GLI1: variants seen among roughly 807,000 people sequenced by gnomAD.
GLI1 encodes the protein transcription activator GLI1.
Under a neutral mutation model 87.8 loss-of-function variants are expected in GLI1, and 51 were observed. That is an observed-to-expected ratio of 0.58 (90% CI 0.46 to 0.73). The LOEUF (loss-of-function observed/expected upper bound fraction) is 0.73. GLI1 is among the 30% of genes least tolerant of loss of function. GLI1 has a pLI of 0.00. For missense variants in GLI1, 1,292 were observed against 1,437.2 expected (o/e 0.90, Z 1.63); for synonymous variants, 528 against 558.2 (o/e 0.95, Z 0.76).
chr12:57,465,188 C>G lies in GLI1; in HGVS notation c.467C>G (p.Pro156Arg), dbSNP rs944167135. 1.9e-6 allele frequency: 3 copies of G among 1,614,082 alleles called. No homozygotes were observed. Among genetic ancestry groups the G allele is most frequent in the Non-Finnish European group, 2.5e-6 (3 of 1,179,962 alleles). ...TCCTTTGGGGTCCAGCCTTGTGGTC[C>G]CCATGACTCTGCCCGGGGTGGGATG... Reference protein sequence around the residue: ...SPSFGVQPCGPHDSARGGMIP... With the variant: ...SPSFGVQPCGRHDSARGGMIP... Residue 156 changes from proline to arginine, a missense_variant, in exon 5 of 12, where the codon CCC (proline) becomes CGC (arginine). Physicochemically the swap from Pro to Arg is moderately radical, Grantham distance 103. This residue lies in a region of GLI1 where 383 missense variants were observed against 368.4 expected (regional missense o/e 1.04). Coordinates refer to ENST00000228682, the MANE Select transcript of GLI1 (RefSeq NM_005269.3).
At position 57,471,944 on chromosome 12, in the gene GLI1, G is replaced by A. The variant is rs763738465; in HGVS notation, c.3204G>A (p.Arg1068=). 3 of 1,612,064 alleles carry A rather than the reference G, an allele frequency of 1.9e-6. No individual in the cohort carries two copies. The highest frequency in any genetic ancestry group is 4.5e-5 in the East Asian group (2 of 44,846). The change falls in exon 12 of 12, where the codon CGG becomes CGA. Residue 1068 remains arginine, a synonymous_variant. Coordinates refer to ENST00000228682, the MANE Select transcript of GLI1 (RefSeq NM_005269.3). The surrounding 1 kb of genome is among the most constrained non-coding windows in gnomAD (Gnocchi z 4.9). ...GTCCTCCTCCTTCCCATGATCAGCG[G>A]GGCAGCTCTGGACATACCCCACCTC... The part of the protein sequence containing the change: ...GLSPPPSHDQ[R]GSSGHTPPPS...
rs766159479 is a variant in GLI1 at position 57,470,365 on chromosome 12, G to A, written c.1625G>A (p.Arg542His). The A allele has an allele frequency of 2.0e-5, 32 of 1,608,314 alleles. No homozygotes were observed. The highest frequency in any genetic ancestry group is 1.1e-4 in the East Asian group (5 of 44,844). ...RVGPPVSLER[R>H]SSSSSSISSA... ...GGCCCCCCAGTCTCTCTTGAACGCCGCAGCAGCAGCTCCAGCAGCATCAGC... is the reference window on the plus strand; with the variant it reads ...GGCCCCCCAGTCTCTCTTGAACGCCACAGCAGCAGCTCCAGCAGCATCAGC... The change falls in exon 12 of 12, where the codon CGC becomes CAC. Residue 542 changes from arginine to histidine, a missense_variant. Around this residue, in one of 3 missense-constraint regions of GLI1, gnomAD observed 897 missense variants for 1,040.7 expected, o/e 0.86. Transcript: ENST00000228682.
chr12:57,461,853 G>T (rs1184293540), intron 1 of GLI1, among the ~76,000 whole-genome samples: 1 of 152,214 alleles, frequency 6.6e-6, no homozygotes, highest in Non-Finnish European at 1.5e-5. Context: ...AAAACAGGGA[G>T]ACACCGAAGA....
At chr12:57,468,401 T>C (rs765750832) in intron 10 of GLI1, among the ~76,000 whole-genome samples, 177 bp downstream of exon 10, 4 of 152,210 alleles carry the variant, frequency 2.6e-5, no homozygotes, top group Non-Finnish European at 4.4e-5. Context: ...GGTTTTAGAA[T>C]CTTTCTGTCT....
In GLI1 at chr12:57,469,546, C is replaced by T. The variant is rs757234675; in HGVS notation, c.1424C>T (p.Thr475Ile). The change falls in exon 11 of 12, where the codon ACT (threonine) becomes ATT (isoleucine). Residue 475 changes from threonine (T) to isoleucine (I), a missense_variant. Coordinates refer to ENST00000228682, the MANE Select transcript of GLI1 (RefSeq NM_005269.3). ...VEMTGNAGGSTEDLSSLDEGP... is the reference protein window; with the variant it reads ...VEMTGNAGGSIEDLSSLDEGP... ...ATGACTGGCAATGCAGGGGGCAGCACTGAAGACCTCTCCAGCTTGGACGAG... is the reference window on the plus strand; with the variant it reads ...ATGACTGGCAATGCAGGGGGCAGCATTGAAGACCTCTCCAGCTTGGACGAG... 5 of 1,614,230 alleles carry T rather than the reference C, an allele frequency of 3.1e-6. No homozygotes were observed. Among genetic ancestry groups the T allele is most frequent in the Non-Finnish European group, 4.2e-6 (5 of 1,180,040 alleles).
rs1872058375 is a variant in GLI1 at position 57,472,119 on chromosome 12, AG to A, written c.*59del. 2 of 1,277,554 alleles carry A rather than the reference AG, an allele frequency of 1.6e-6. No homozygotes were observed. Among genetic ancestry groups the A allele is most frequent in the Non-Finnish European group, 2.1e-6 (2 of 941,872 alleles). 79.1% of individuals were successfully genotyped at this position (1,277,554 alleles called of 1,614,324 possible). ...TTTCCTAAGGGGTTTCTATCCTTCC[AG>A]AAAAATTGGGGGAGCTGCAGTCCCA... On this transcript the variant is annotated 3_prime_UTR_variant, in exon 12 of 12. Transcript: ENST00000228682.
At chr12:57,465,449 TC>T (rs1871413587) in intron 5 of GLI1, 157 bp from the exon 6 acceptor site, 1 of 742,930 alleles carries the variant, frequency 1.3e-6, no homozygotes, top group Non-Finnish European at 2.2e-6. Context: ...CTTTTGCCCA[TC>T]CCATTCACCA....
At position 57,466,289 on chromosome 12, in the gene GLI1, A is replaced by G. The variant is rs1332932674; in HGVS notation, c.812A>G (p.His271Arg). 3 of 1,614,008 alleles carry G rather than the reference A, an allele frequency of 1.9e-6. No homozygotes were observed. The highest frequency in any genetic ancestry group is 3.3e-5 in the Admixed American group (2 of 59,992). The change falls in exon 8 of 12, where the codon CAC (histidine) becomes CGC (arginine). Residue 271 changes from histidine (H) to arginine (R), a missense_variant. Transcript: ENST00000228682. ...IHGERKEFVCHWGGCSRELRP... is the reference protein window; with the variant it reads ...IHGERKEFVCRWGGCSRELRP... ...GGGGAGCGGAAGGAGTTCGTGTGCC[A>G]CTGGGGGGGCTGCTCCAGGGAGCTG...
chr12:57,471,836 G>C lies in GLI1; in HGVS notation c.3096G>C (p.Gln1032His). ...GPALYPPPEG[Q>H]VCNPLDSLDL... ...CCTTGTACCCTCCTCCCGAAGGACA[G>C]GTATGTAACCCCCTGGACTCTCTTG... The change falls in exon 12 of 12, where the codon CAG (glutamine) becomes CAC (histidine). Residue 1032 changes from glutamine to histidine, a missense_variant. By Grantham distance (24) the Gln-to-His change is conservative. Transcript: ENST00000228682. The surrounding 1 kb of genome is among the most constrained non-coding windows in gnomAD (Gnocchi z 4.9). 6.4e-7 allele frequency: 1 copy of C among 1,570,048 alleles called. No homozygotes were observed.
At chr12:57,465,502 C>G in intron 5 of GLI1, 105 bp from the exon 6 acceptor site, 1 of 935,608 alleles carries the variant, frequency 1.1e-6, no homozygotes, top group Non-Finnish European at 1.7e-6. Flanking sequence ...CCAGGAGGTT[C>G]CAGCTGCTTG....
In GLI1 at chr12:57,471,022, A is replaced by G; in HGVS notation, c.2282A>G (p.Tyr761Cys). The stretch of plus-strand genomic sequence containing the variant: ...CTTGGGCCTGGTCCACCCACCAACT[A>G]TGGCCCCAACCCCTGTCCCCAGCAG... ...LPLGPGPPTN[Y>C]GPNPCPQQAS... The change falls in exon 12 of 12, where the codon TAT becomes TGT. Residue 761 changes from tyrosine to cysteine, a missense_variant. Coordinates refer to ENST00000228682, the MANE Select transcript of GLI1 (RefSeq NM_005269.3). This position sits in a 1 kb window ranked among gnomAD's most constrained non-coding sequence, Gnocchi z 4.9. The G allele has an allele frequency of 6.2e-7, 1 of 1,610,250 alleles. No individual in the cohort carries two copies. The highest frequency in any genetic ancestry group is 8.5e-7 in the Non-Finnish European group (1 of 1,178,056).
chr12:57,463,945 T>C (rs1332248860), intron 2 of GLI1, 54 bp from the exon 3 acceptor site: 1 of 1,365,774 alleles, frequency 7.3e-7, no homozygotes, highest in Non-Finnish European at 1.0e-6. Flanking sequence ...TCTGGGGTTT[T>C]AAGGTGAGGT....
At chr12:57,470,261 GGGT>G in intron 11 of GLI1, 53 bp from the exon 12 acceptor site, 1 of 1,345,400 alleles carries the variant, frequency 7.4e-7, no homozygotes, top group Non-Finnish European at 1.0e-6. Context: ...GGAGGAGGCA[GGGT>G]GAAATTTAGG....
intron 10 of GLI1, among the ~76,000 whole-genome samples, chr12:57,468,583 T>C (rs1452019440): frequency 1.4e-5 from 2 of 146,878 alleles, no homozygotes; most frequent in East Asian, 4.1e-4. Flanking sequence ...GCCTCAAACT[T>C]CTGGGCTCAA....
Position 57,463,733 on chromosome 12 carries a change from C to A in GLI1, c.42C>A (p.Gly14=). ...CCCCACCACCAATCAGTAGCTATGG[C>A]GAGCCCTGCTGTCTCCGGCCCCTCC... ...SMTPPPISSY[G]EPCCLRPLPS... Residue 14 remains glycine (G), a synonymous_variant, in exon 2 of 12, where the codon GGC becomes GGA. Coordinates refer to ENST00000228682, the MANE Select transcript of GLI1 (RefSeq NM_005269.3). 6.2e-7 allele frequency: 1 copy of A among 1,612,252 alleles called. No individual in the cohort carries two copies. The highest frequency in any genetic ancestry group is 8.5e-7 in the Non-Finnish European group (1 of 1,179,540).
chr12:57,465,751 C>T, intron 6 of GLI1, 37 bp from the exon 7 acceptor site: 1 of 1,614,008 alleles, frequency 6.2e-7, no homozygotes, highest in Non-Finnish European at 8.5e-7. Context: ...CTAAAGCTGT[C>T]ACCCAAGTGA....
At chr12:57,461,804 C>G (rs1049566509) in intron 1 of GLI1, among the ~76,000 whole-genome samples, 3 of 152,070 alleles carry the variant, frequency 2.0e-5, no homozygotes, top group African/African-American at 7.2e-5. Context: ...GGAGCCGACT[C>G]CTGGGAGTTG....
chr12:57,464,811 A>G lies in GLI1; in HGVS notation c.332A>G (p.Asn111Ser), dbSNP rs1202951566. The change falls in exon 4 of 12, where the codon AAC becomes AGC. Residue 111 changes from asparagine to serine, a missense_variant. Asn to Ser is a conservative substitution (Grantham distance 46). Coordinates refer to ENST00000228682, the MANE Select transcript of GLI1 (RefSeq NM_005269.3). ...TSPSSLVAFI[N>S]SRCTSPGGSY... ...CCCAGCTCCCTCGTAGCTTTCATCA[A>G]CTCGCGATGCACATCTCCAGGAGGC... 35 of 1,613,512 alleles carry G rather than the reference A, an allele frequency of 2.2e-5. No homozygotes were observed. Among genetic ancestry groups the G allele is most frequent in the Non-Finnish European group, 2.9e-5 (34 of 1,179,890 alleles).
Position 57,470,402 on chromosome 12 carries a change from T to C in GLI1, c.1662T>C (p.Thr554=), listed in dbSNP as rs368955379. 8 of 1,613,710 alleles carry C rather than the reference T, an allele frequency of 5.0e-6. No homozygotes were observed. The African/African-American group carries it at 9.3e-5, about 19-fold the overall frequency. ...SSSSSISSAY[T]VSRRSSLASP... ...CCAGCAGCATCAGCTCTGCCTATACTGTCAGCCGCCGCTCCTCCCTGGCCT... is the reference window on the plus strand; with the variant it reads ...CCAGCAGCATCAGCTCTGCCTATACCGTCAGCCGCCGCTCCTCCCTGGCCT... The change falls in exon 12 of 12, where the codon ACT becomes ACC. Residue 554 remains threonine (T), a synonymous_variant. Coordinates refer to ENST00000228682, the MANE Select transcript of GLI1 (RefSeq NM_005269.3).
Sources: gnomAD v4.1 joint callset for allele counts (sites outside exome capture counted in the v4.1 genomes callset) on GRCh38, gnomAD v4.1.1 for gene constraint, gnomAD v4.1.1 regional missense constraint, Gnocchi (gnomAD v3.1) non-coding constraint, MANE v1.5 for transcripts, NCBI Gene and HGNC (gene_info 2026-07-23, HGNC 2026-07-21) for gene names.